Variants in PARD3B observed in about 807,000 individuals in gnomAD.
The protein encoded by PARD3B is par-3 family cell polarity regulator beta, also known as partitioning defective 3 homolog B.
In PARD3B, 103 loss-of-function variants were observed where a neutral mutation model predicts 130.2. The ratio of observed to expected loss-of-function variants is 0.79; its 90% CI spans 0.67 to 0.93. The LOEUF (loss-of-function observed/expected upper bound fraction) is 0.93, where lower values mean the gene tolerates loss of function less well. Ranked by LOEUF, PARD3B falls within the 40% of genes least tolerant of loss-of-function variation. PARD3B has a pLI of 0.00. For synonymous variants in PARD3B, 583 were observed against 553.2 expected, an observed-to-expected ratio of 1.05 and a Z score of -0.76; for missense variants, 1,609 against 1,499.2, an observed-to-expected ratio of 1.07 and a Z score of -1.21.
At chr2:205,137,837 C>A (rs1034692821) in intron 10 of PARD3B, among the ~76,000 whole-genome samples, 11 of 152,208 alleles carry the variant, frequency 7.2e-5, no homozygotes, top group African/African-American at 2.7e-4. Flanking sequence ...TTCTCCAAGA[C>A]AACAAAAGCA....
intron 15 of PARD3B, among the ~76,000 whole-genome samples, chr2:205,240,367 G>A (rs1168875306): frequency 2.0e-5 from 3 of 152,108 alleles, no homozygotes; most frequent in African/African-American, 4.8e-5. Context: ...GGCCTCATTA[G>A]AAGATGTATT....
chr2:205,336,472 T>C (rs1213062602), intron 18 of PARD3B, among the ~76,000 whole-genome samples: 1 of 152,222 alleles, frequency 6.6e-6, no homozygotes, highest in East Asian at 1.9e-4. Flanking sequence ...TCTTCATTTC[T>C]TCACTATGTC....
intron 4 of PARD3B, among the ~76,000 whole-genome samples, chr2:205,072,750 T>A (rs1700819192): frequency 6.6e-6 from 1 of 152,312 alleles, no homozygotes; most frequent in East Asian, 1.9e-4. Flanking sequence ...GTTTAAAAAA[T>A]AATTTGCACT....
intron 3 of PARD3B, among the ~76,000 whole-genome samples, chr2:205,010,075 T>C (rs1695593737): frequency 6.6e-6 from 1 of 152,134 alleles, no homozygotes; most frequent in Admixed American, 6.5e-5. Context: ...ATAGTAATAT[T>C]TTTCCAAGCA....
chr2:205,419,173 T>C (rs1475316452), intron 19 of PARD3B, among the ~76,000 whole-genome samples: 1 of 151,990 alleles, frequency 6.6e-6, no homozygotes, highest in Admixed American at 6.6e-5. Flanking sequence ...GTGGGAGGTA[T>C]TTGAATCATG....
chr2:204,880,209 A>G (rs1321615595), intron 2 of PARD3B, among the ~76,000 whole-genome samples: 2 of 152,164 alleles, frequency 1.3e-5, no homozygotes, highest in African/African-American at 4.8e-5. Flanking sequence ...GATTTAATAT[A>G]GTTTAGCATG....
chr2:205,382,918 G>T lies in PARD3B; in HGVS notation c.2631-18095G>T, dbSNP rs1196351646. 3.3e-5 allele frequency among the ~76,000 whole-genome samples: 5 copies of T among 152,012 alleles called. No homozygotes were observed. In the South Asian group the frequency reaches 1.0e-3, roughly 32 times the overall value. ...TTATTTTTTGGCACCGTGAAATGCTGTAAGTTTACCTCATAGGTTCCCCGC... is the reference window on the plus strand; with the variant it reads ...TTATTTTTTGGCACCGTGAAATGCTTTAAGTTTACCTCATAGGTTCCCCGC... On this transcript the variant is annotated intron_variant, in intron 18 of 22. Coordinates refer to ENST00000406610, the MANE Select transcript of PARD3B (RefSeq NM_001302769.2).
chr2:204,919,778 A>G (rs1271197215), intron 2 of PARD3B, among the ~76,000 whole-genome samples: 2 of 152,096 alleles, frequency 1.3e-5, no homozygotes, highest in African/African-American at 2.4e-5. Context: ...ATTATCACCC[A>G]TTCTTGTTTA....
At chr2:204,652,954 G>A (rs1329497694) in intron 1 of PARD3B, among the ~76,000 whole-genome samples, 2 of 150,960 alleles carry the variant, frequency 1.3e-5, no homozygotes, top group Admixed American at 6.6e-5. Context: ...ACAATAGCAG[G>A]GGAAGTCTGC....
intron 15 of PARD3B, among the ~76,000 whole-genome samples, chr2:205,240,250 A>AT (rs543688523): frequency 6.6e-6 from 1 of 152,166 alleles, no homozygotes; most frequent in Non-Finnish European, 1.5e-5. Flanking sequence ...AACTACATCA[A>AT]TTTTTTTAAG....
At chr2:205,406,966 G>A (rs2046435934) in intron 19 of PARD3B, among the ~76,000 whole-genome samples, 1 of 152,088 alleles carries the variant, frequency 6.6e-6, no homozygotes, top group African/African-American at 2.4e-5. Context: ...ACTGCACCTG[G>A]CCTTCTAGTG....
chr2:205,589,211 C>A lies in PARD3B; in HGVS notation c.3261-26245C>A, dbSNP rs2054298290. ...GCTGAGATAGGAGGATCTCTTGAGC[C>A]CGGGAGGTCGAGGCAGCTGTAGTAA... is the stretch of plus-strand genomic sequence containing the variant. On this transcript the variant is annotated intron_variant, in intron 22 of 22. Transcript: ENST00000406610. This position sits in a 1 kb window ranked among gnomAD's most constrained non-coding sequence, Gnocchi z 4.1. 6.6e-6 allele frequency among the ~76,000 whole-genome samples: 1 copy of A among 152,158 alleles called. No homozygotes were observed. Among genetic ancestry groups the A allele is most frequent in the Admixed American group, 6.5e-5 (1 of 15,276 alleles).
intron 22 of PARD3B, among the ~76,000 whole-genome samples, chr2:205,553,763 G>T (rs148654244): frequency 5.3e-5 from 8 of 152,098 alleles, no homozygotes; most frequent in Admixed American, 1.3e-4. Flanking sequence ...GAGGAATGGC[G>T]GGCCAGTCTT....
intron 1 of PARD3B, 106 bp from the exon 2 acceptor site, chr2:204,686,075 T>G: frequency 1.4e-6 from 1 of 739,780 alleles, no homozygotes. Flanking sequence ...AAAATTTGAT[T>G]ACTAGAACAT....
intron 8 of PARD3B, among the ~76,000 whole-genome samples, chr2:205,123,197 C>T (rs934816164): frequency 1.3e-5 from 2 of 152,096 alleles, no homozygotes; most frequent in African/African-American, 4.8e-5. Flanking sequence ...AATAGGCATG[C>T]ATTAATAAAT....
rs1417954280 is a variant in PARD3B at position 205,258,892 on chromosome 2, T to TC, written c.2185+13073dup. ...TGGACTACTTTTTAATGACCTTTTT[T>TC]CCCTCTCTTGTCATTTTAGGCTGAA... On this transcript the variant is annotated intron_variant, in intron 16 of 22. Transcript: ENST00000406610. This position sits in a 1 kb window ranked among gnomAD's most constrained non-coding sequence, Gnocchi z 4.9. Among the ~76,000 whole-genome samples the TC allele has an allele frequency of 6.6e-6, 1 of 152,208 alleles. No homozygotes were observed. Among genetic ancestry groups the TC allele is most frequent in the African/African-American group, 2.4e-5 (1 of 41,462 alleles).
chr2:205,368,813 T>C (rs1393720264), intron 18 of PARD3B, among the ~76,000 whole-genome samples: 1 of 151,278 alleles, frequency 6.6e-6, no homozygotes, highest in Non-Finnish European at 1.5e-5. Context: ...GTCTACCTTG[T>C]AACACAAATT....
chr2:204,870,895 T>C (rs550973707), intron 2 of PARD3B, among the ~76,000 whole-genome samples: 13 of 152,310 alleles, frequency 8.5e-5, no homozygotes, highest in African/African-American at 3.1e-4. Flanking sequence ...CAACAAATTA[T>C]ATTTAGAGAA....
chr2:205,020,216 C>T (rs1696490541), intron 3 of PARD3B, among the ~76,000 whole-genome samples: 1 of 152,146 alleles, frequency 6.6e-6, no homozygotes. Flanking sequence ...CTTGGAGCAA[C>T]CTCTCTGACC....
Sources: gnomAD v4.1 joint callset for allele counts (sites outside exome capture counted in the v4.1 genomes callset) on GRCh38, gnomAD v4.1.1 for gene constraint, Gnocchi (gnomAD v3.1) non-coding constraint, MANE v1.5 for transcripts, NCBI Gene and HGNC (gene_info 2026-07-23, HGNC 2026-07-21) for gene names.